Variants in NCALD observed in about 807,000 individuals in gnomAD.
NCALD encodes the protein neurocalcin-delta.
A neutral mutation model predicts 18.6 loss-of-function variants in NCALD; 10 were observed. The ratio of observed to expected loss-of-function variants is 0.54; its 90% CI spans 0.33 to 0.91. The LOEUF is 0.91. NCALD is among the 40% of genes least tolerant of loss of function. The pLI is 0.03. For synonymous variants in NCALD, 88 were observed against 87.4 expected, an observed-to-expected ratio of 1.01 and a Z score of -0.04; for missense variants, 184 against 247.6, an observed-to-expected ratio of 0.74 and a Z score of 1.72.
chr8:101,862,170 A>C (rs1271230501), intron 4 of NCALD, among the ~76,000 whole-genome samples: 9 of 152,230 alleles, frequency 5.9e-5, no homozygotes, highest in African/African-American at 2.2e-4. Context: ...AATCAATCCA[A>C]AACAAAGGAT....
chr8:101,964,986 T>C, intron 2 of NCALD, among the ~76,000 whole-genome samples: 1 of 152,070 alleles, frequency 6.6e-6, no homozygotes, highest in African/African-American at 2.4e-5. Flanking sequence ...AAGAAGACAT[T>C]TACGCAGCCA....
chr8:101,840,771 G>A (rs1283683300), intron 4 of NCALD, among the ~76,000 whole-genome samples: 2 of 152,152 alleles, frequency 1.3e-5, no homozygotes, highest in Non-Finnish European at 2.9e-5. Flanking sequence ...AGTTTAAAAA[G>A]TGCTGAGGTA....
chr8:101,901,075 T>C (rs1817402359), intron 3 of NCALD, among the ~76,000 whole-genome samples: 1 of 152,108 alleles, frequency 6.6e-6, no homozygotes, highest in South Asian at 2.1e-4. Flanking sequence ...TTTTGGTAGA[T>C]TGGCCCTTTT....
At chr8:101,703,978 A>C (rs1383822385) in intron 2 of NCALD, among the ~76,000 whole-genome samples, 2 of 152,194 alleles carry the variant, frequency 1.3e-5, no homozygotes, top group Non-Finnish European at 2.9e-5. Flanking sequence ...CAAGGTCAAG[A>C]ACCGTGCCTG....
At chr8:101,913,241 T>C (rs1031249404) in intron 3 of NCALD, among the ~76,000 whole-genome samples, 1 of 152,192 alleles carries the variant, frequency 6.6e-6, no homozygotes, top group Non-Finnish European at 1.5e-5. Flanking sequence ...TAGCAATACA[T>C]AACTAACACA....
chr8:102,035,917 C>T (rs957257129), intron 1 of NCALD, among the ~76,000 whole-genome samples: 3 of 152,020 alleles, frequency 2.0e-5, no homozygotes, highest in African/African-American at 7.2e-5. Context: ...ATTATATTGT[C>T]GCTATAGAAA....
chr8:102,106,464 T>TAG (rs58274998), intron 1 of NCALD, among the ~76,000 whole-genome samples: 6 of 138,554 alleles, frequency 4.3e-5, no homozygotes, highest in African/African-American at 1.6e-4. Flanking sequence ...TATATATATA[T>TAG]ATACACACAC....
At chr8:101,709,771 C>A (rs2130295542) in intron 2 of NCALD, among the ~76,000 whole-genome samples, 1 of 152,336 alleles carries the variant, frequency 6.6e-6, no homozygotes, top group South Asian at 2.1e-4. Context: ...GGGACAGGAA[C>A]TACGTTGGGC....
intron 1 of NCALD, among the ~76,000 whole-genome samples, chr8:101,748,421 C>G (rs369202751): frequency 2.6e-5 from 4 of 152,150 alleles, no homozygotes; most frequent in Non-Finnish European, 5.9e-5. Flanking sequence ...ATTGTCAGCT[C>G]GTTCATCAAT....
intron 1 of NCALD, among the ~76,000 whole-genome samples, chr8:102,108,433 T>C (rs966375468): frequency 1.2e-4 from 19 of 152,204 alleles, no homozygotes; most frequent in African/African-American, 4.3e-4. Flanking sequence ...TTATCAAATA[T>C]GCATCGGTCA....
At chr8:102,119,653 C>G (rs1032818887) in intron 1 of NCALD, among the ~76,000 whole-genome samples, 1 of 152,208 alleles carries the variant, frequency 6.6e-6, no homozygotes, top group African/African-American at 2.4e-5. Context: ...AAGCACTGTA[C>G]TGGGGCTGCC....
At chr8:101,943,625 A>T (rs2131768330) in intron 2 of NCALD, among the ~76,000 whole-genome samples, 1 of 152,324 alleles carries the variant, frequency 6.6e-6, no homozygotes, top group Non-Finnish European at 1.5e-5. Context: ...TGCTGGGCAC[A>T]TTTGGTGAAT....
intron 2 of NCALD, among the ~76,000 whole-genome samples, chr8:101,944,276 A>G (rs916616844): frequency 1.3e-5 from 2 of 152,244 alleles, no homozygotes; most frequent in Non-Finnish European, 1.5e-5. Flanking sequence ...CCCCACCTAA[A>G]GGTAGTTTTC....
At chr8:101,771,645 C>G (rs1400664731) in intron 1 of NCALD, among the ~76,000 whole-genome samples, 3 of 152,160 alleles carry the variant, frequency 2.0e-5, no homozygotes. Flanking sequence ...TTAATTTTGG[C>G]AAACCATTTT....
chr8:101,866,740 T>C (rs1472585157), intron 4 of NCALD, among the ~76,000 whole-genome samples: 1 of 152,102 alleles, frequency 6.6e-6, no homozygotes, highest in Non-Finnish European at 1.5e-5. Context: ...TTACCACCAT[T>C]TCTACCTCCA....
intron 2 of NCALD, among the ~76,000 whole-genome samples, chr8:101,711,410 G>A (rs139906943): frequency 0.011 from 1,690 of 152,162 alleles, 32 homozygotes; most frequent in African/African-American, 0.038. Flanking sequence ...AAACTGGACG[G>A]AGAATGAGTT....
chr8:101,877,407 T>C (rs1816272798), intron 4 of NCALD, among the ~76,000 whole-genome samples: 2 of 152,144 alleles, frequency 1.3e-5, no homozygotes, highest in African/African-American at 4.8e-5. Context: ...CATTCCCCTA[T>C]TATCCAGCAT....
At chr8:101,817,473 C>T (rs944465224) in intron 4 of NCALD, among the ~76,000 whole-genome samples, 20 of 151,988 alleles carry the variant, frequency 1.3e-4, no homozygotes, top group Non-Finnish European at 2.4e-4. Context: ...TAATAAATCA[C>T]GGTTTCAGCC....
At chr8:101,984,144 C>T (rs764095811) in intron 2 of NCALD, among the ~76,000 whole-genome samples, 4 of 152,222 alleles carry the variant, frequency 2.6e-5, no homozygotes, top group Non-Finnish European at 5.9e-5. Context: ...AAATGGCTCA[C>T]TCCTTATTAC....
Sources: allele counts gnomAD v4.1 joint callset (sites outside exome capture counted in the v4.1 genomes callset), GRCh38; gene constraint gnomAD v4.1.1; transcripts MANE v1.5; gene names NCBI Gene and HGNC (gene_info 2026-07-23, HGNC 2026-07-21).